SYT14: variants seen among roughly 807,000 people sequenced by gnomAD.
SYT14 encodes synaptotagmin 14.
In SYT14, 32 loss-of-function variants were observed where a neutral mutation model predicts 74.2. That is an observed-to-expected ratio of 0.43 (90% confidence interval 0.33 to 0.58). The LOEUF (loss-of-function observed/expected upper bound fraction) is 0.58, where lower values mean the gene tolerates loss of function less well. Among genes scored for constraint, SYT14 ranks in the 20% least tolerant of loss-of-function variants. The probability of loss-of-function intolerance (pLI) is 0.05; values close to 1 mark genes in which losing one functional copy is unlikely to be tolerated. For synonymous variants in SYT14, 298 were observed against 337.7 expected (o/e 0.88, Z 1.29); for missense variants, 791 against 981.8 (o/e 0.81, Z 2.60).
At chr1:210,165,568 G>T (rs1357301201) in exon 10 of SYT14, 2 of 152,086 alleles carry the variant, frequency 1.3e-5, no homozygotes, top group African/African-American at 4.8e-5. Flanking sequence ...CATAACCTGT[G>T]TCTAGCCCAT....
At chr1:210,075,872 C>A (rs1327932014) in intron 5 of SYT14, among the ~76,000 whole-genome samples, 1 of 152,116 alleles carries the variant, frequency 6.6e-6, no homozygotes, top group Non-Finnish European at 1.5e-5. Flanking sequence ...TATATCTTTG[C>A]TATTAATAGG....
intron 5 of SYT14, among the ~76,000 whole-genome samples, chr1:210,074,749 G>A (rs751883481): frequency 8.5e-5 from 13 of 152,098 alleles, no homozygotes; most frequent in Non-Finnish European, 1.3e-4. Context: ...TCAGTGCCCC[G>A]CTACTCAAAC....
chr1:210,085,308 A>G (rs1334572), intron 5 of SYT14, among the ~76,000 whole-genome samples: 19,560 of 152,178 alleles, frequency 0.13, 3,942 homozygotes, highest in African/African-American at 0.43. Flanking sequence ...TCTACATCAC[A>G]ATCATCATCT....
intron 2 of SYT14, among the ~76,000 whole-genome samples, chr1:209,989,314 A>G (rs1453553564): frequency 6.6e-6 from 1 of 152,226 alleles, no homozygotes; most frequent in East Asian, 1.9e-4. Flanking sequence ...AGGAACTGAG[A>G]GTCCTGGATT....
chr1:210,059,451 T>TATAGAGAGAGAGAGAGAGAG (rs377050610), intron 5 of SYT14, among the ~76,000 whole-genome samples: 12 of 69,904 alleles, frequency 1.7e-4, no homozygotes, highest in African/African-American at 7.8e-4. Flanking sequence ...TATATATATA[T>TATAGAGAGAGAGAGAGAGAG]AGAGAGAGAG....
At chr1:210,124,687 C>T (rs749375870) in intron 7 of SYT14, among the ~76,000 whole-genome samples, 10 of 152,284 alleles carry the variant, frequency 6.6e-5, no homozygotes, top group Admixed American at 1.3e-4. Flanking sequence ...TGAAGTGTTT[C>T]GATGTATAAT....
intron 2 of SYT14, among the ~76,000 whole-genome samples, chr1:209,957,009 T>C (rs1275706733): frequency 6.6e-6 from 1 of 152,072 alleles, no homozygotes; most frequent in Admixed American, 6.6e-5. Context: ...CTTTTTTTCT[T>C]CTGCAGAAGC....
intron 1 of SYT14, among the ~76,000 whole-genome samples, chr1:209,943,783 G>A (rs529325032): frequency 1.9e-4 from 29 of 152,010 alleles, no homozygotes; most frequent in Admixed American, 1.6e-3. Context: ...TAATATGAAA[G>A]TGCTTACATA....
At chr1:210,037,433 C>T (rs1170153725) in intron 5 of SYT14, among the ~76,000 whole-genome samples, 1 of 151,104 alleles carries the variant, frequency 6.6e-6, no homozygotes, top group Non-Finnish European at 1.5e-5. Context: ...TTTAGTTCTG[C>T]TCTGATCTTT....
intron 2 of SYT14, among the ~76,000 whole-genome samples, chr1:209,964,967 A>G (rs1339462144): frequency 6.6e-6 from 1 of 152,218 alleles, no homozygotes; most frequent in African/African-American, 2.4e-5. Context: ...GCCAAGGGCC[A>G]ACCTTATAAG....
intron 5 of SYT14, among the ~76,000 whole-genome samples, chr1:210,077,034 G>T (rs557084733): frequency 2.0e-5 from 3 of 152,268 alleles, no homozygotes; most frequent in African/African-American, 7.2e-5. Flanking sequence ...GCTGTGTTAG[G>T]CCATTCTAGT....
chr1:210,106,450 T>C (rs1359743383), intron 7 of SYT14, among the ~76,000 whole-genome samples: 1 of 152,120 alleles, frequency 6.6e-6, no homozygotes, highest in East Asian at 1.9e-4. Context: ...GCCTGGGTAA[T>C]TTATAAAGGA....
chr1:210,146,012 A>T (rs1016862337), intron 7 of SYT14, among the ~76,000 whole-genome samples: 4 of 152,138 alleles, frequency 2.6e-5, no homozygotes, highest in African/African-American at 9.7e-5. Context: ...TAACAACTTT[A>T]TTTCTAGTCT....
At chr1:209,978,686 C>G (rs1223991367) in intron 2 of SYT14, among the ~76,000 whole-genome samples, 1 of 152,210 alleles carries the variant, frequency 6.6e-6, no homozygotes, top group Non-Finnish European at 1.5e-5. Flanking sequence ...TGTCCGTTCT[C>G]AGATCTCCAG....
chr1:210,135,073 C>T (rs1213570269), intron 7 of SYT14, among the ~76,000 whole-genome samples: 1 of 152,002 alleles, frequency 6.6e-6, no homozygotes, highest in Non-Finnish European at 1.5e-5. Flanking sequence ...CTCCACCTCC[C>T]GGGTTGAAGT....
chr1:210,140,757 CT>C (rs1259454727), intron 7 of SYT14, among the ~76,000 whole-genome samples: 1 of 151,834 alleles, frequency 6.6e-6, no homozygotes, highest in Non-Finnish European at 1.5e-5. Context: ...GAAAAAAAAT[CT>C]TTTTTTCATT....
At chr1:210,103,648 G>A (rs1362246878) in intron 7 of SYT14, among the ~76,000 whole-genome samples, 1 of 150,900 alleles carries the variant, frequency 6.6e-6, no homozygotes, top group Non-Finnish European at 1.5e-5. Context: ...AGTTTAAAAA[G>A]CATAATTTCT....
chr1:209,943,919 C>A (rs188105162), intron 1 of SYT14, among the ~76,000 whole-genome samples: 1 of 152,064 alleles, frequency 6.6e-6, no homozygotes, highest in African/African-American at 2.4e-5. Context: ...AAATTAGAAC[C>A]CTTGATTTAC....
chr1:210,142,404 T>C (rs901543031), intron 7 of SYT14, among the ~76,000 whole-genome samples: 4 of 152,182 alleles, frequency 2.6e-5, no homozygotes, highest in African/African-American at 7.2e-5. Flanking sequence ...TTTTTGACAA[T>C]GTTTGCCAGT....
Sources: allele counts gnomAD v4.1 joint callset (sites outside exome capture counted in the v4.1 genomes callset), GRCh38; gene constraint gnomAD v4.1.1; transcripts MANE v1.5; gene names NCBI Gene and HGNC (gene_info 2026-07-23, HGNC 2026-07-21).